FNBP1: variants seen among roughly 807,000 people sequenced by gnomAD.
The protein encoded by FNBP1 is formin-binding protein 1.
In FNBP1, 26 loss-of-function variants were observed where a neutral mutation model predicts 90.6. The observed-to-expected ratio is 0.29, with a 90% CI of 0.21 to 0.40. FNBP1 has a LOEUF of 0.40. Among genes scored for constraint, FNBP1 ranks in the 10% least tolerant of loss-of-function variants. The probability of loss-of-function intolerance (pLI) is 1.00; values close to 1 mark genes in which losing one functional copy is unlikely to be tolerated. For synonymous variants in FNBP1, 260 were observed against 265.2 expected (o/e 0.98, Z 0.19); for missense variants, 635 against 768.0 (o/e 0.83, Z 2.05).
intron 7 of FNBP1, among the ~76,000 whole-genome samples, chr9:129,927,885 A>C (rs966034540): frequency 1.3e-5 from 2 of 150,820 alleles, no homozygotes; most frequent in Non-Finnish European, 3.0e-5. Flanking sequence ...AGGCCTCCAA[A>C]GTGCTGGGAT....
intron 16 of FNBP1, among the ~76,000 whole-genome samples, chr9:129,892,411 ACAC>A (rs1564242648): frequency 0.014 from 1,805 of 132,668 alleles, 37 homozygotes; most frequent in African/African-American, 0.041. Flanking sequence ...ACACACACAC[ACAC>A]ACAAAAAGGT....
At chr9:130,032,278 C>T (rs1209560963) in intron 1 of FNBP1, among the ~76,000 whole-genome samples, 2 of 151,986 alleles carry the variant, frequency 1.3e-5, no homozygotes, top group African/African-American at 2.4e-5. Flanking sequence ...TGAAGTGATC[C>T]TCCCATCTCA....
Position 129,929,696 on chromosome 9 carries a change from C to CT in FNBP1, c.514-2dup, listed in dbSNP as rs775421778. On this transcript the variant is annotated splice_acceptor_variant, in intron 6 of 16. Transcript: ENST00000446176. LOFTEE classifies it high-confidence loss of function. ...GACGTATTTGAGCTTGTTGTCGGGCCTTAGGGCAAAAACAAGAATACTCCT... is the reference window on the plus strand; with the variant it reads ...GACGTATTTGAGCTTGTTGTCGGGCCTTTAGGGCAAAAACAAGAATACTCCT... The CT allele has an allele frequency of 2.3e-5, 37 of 1,613,620 alleles. No homozygotes were observed. In the African/African-American group the frequency reaches 3.6e-4, roughly 16 times the overall value.
At chr9:129,916,014 T>C (rs759454106) in intron 10 of FNBP1, 34 bp from the exon 11 acceptor site, 28 of 1,547,888 alleles carry the variant, frequency 1.8e-5, no homozygotes, top group Non-Finnish European at 1.8e-5. Flanking sequence ...ATGGGAAAAA[T>C]AGAGAGAAAG....
At chr9:129,939,127 G>A (rs965744649) in intron 6 of FNBP1, among the ~76,000 whole-genome samples, 9 of 152,134 alleles carry the variant, frequency 5.9e-5, no homozygotes, top group East Asian at 1.9e-4. Flanking sequence ...AGTGGCTCAC[G>A]CCTATAATCC....
At position 130,042,314 on chromosome 9, in the gene FNBP1, G is replaced by A. The variant is rs2059898826; in HGVS notation, c.24+638C>T. ...TCCCTAACTCCCACTTTCCCCTCCA[G>A]ACCAGACGTCGCAGTGCCCACATCC... is the stretch of plus-strand genomic sequence containing the variant. On this transcript the variant is annotated intron_variant, in intron 1 of 16. Transcript: ENST00000446176. The surrounding 1 kb of genome is among the most constrained non-coding windows in gnomAD (Gnocchi z 5.5). Among the ~76,000 whole-genome samples, 3 of 152,100 alleles carry A rather than the reference G, an allele frequency of 2.0e-5. No homozygotes were observed. The highest frequency in any genetic ancestry group is 1.3e-4 in the Admixed American group (2 of 15,268).
At chr9:130,000,764 A>G (rs1026906642) in intron 1 of FNBP1, among the ~76,000 whole-genome samples, 1 of 152,194 alleles carries the variant, frequency 6.6e-6, no homozygotes, top group African/African-American at 2.4e-5. Flanking sequence ...CCCTGAAGTG[A>G]CAGGCTCACT....
At chr9:129,913,288 C>T (rs1357391190) in intron 11 of FNBP1, among the ~76,000 whole-genome samples, 4 of 152,114 alleles carry the variant, frequency 2.6e-5, no homozygotes, top group Non-Finnish European at 5.9e-5. Flanking sequence ...AGCCTCTGTG[C>T]AGGTGTATAA....
intron 12 of FNBP1, among the ~76,000 whole-genome samples, chr9:129,907,510 C>T (rs891849278): frequency 6.6e-6 from 1 of 152,048 alleles, no homozygotes; most frequent in East Asian, 1.9e-4. Context: ...CGGGGTCTTG[C>T]TCTGTTGCCC....
Position 129,953,494 on chromosome 9 carries a change from AAAATAAAT to A in FNBP1, c.513+3858_513+3865del, listed in dbSNP as rs553611368. 4.3e-4 allele frequency among the ~76,000 whole-genome samples: 65 copies of A among 152,054 alleles called. 2 individuals carry two copies. The South Asian group carries it at 8.9e-3, about 21-fold the overall frequency. Reference sequence around the variant, plus strand: ...GACAGAATGAGACTACGTCTCAGAAAAAATAAATAAATAAATAAATAAATAAATATCTG... The same window carrying A: ...GACAGAATGAGACTACGTCTCAGAAAAAATAAATAAATAAATAAATATCTG... On this transcript the variant is annotated intron_variant, in intron 6 of 16. Transcript: ENST00000446176.
At chr9:129,901,566 C>T (rs939821562) in intron 13 of FNBP1, among the ~76,000 whole-genome samples, 2 of 151,840 alleles carry the variant, frequency 1.3e-5, no homozygotes, top group East Asian at 3.9e-4. Flanking sequence ...AGAAAAGGAC[C>T]GTTCTAAGTT....
At position 130,041,369 on chromosome 9, in the gene FNBP1, T is replaced by G. The variant is rs2059806408; in HGVS notation, c.24+1583A>C. Among the ~76,000 whole-genome samples the G allele has an allele frequency of 1.3e-5, 2 of 152,118 alleles. No individual in the cohort carries two copies. Among genetic ancestry groups the G allele is most frequent in the Admixed American group, 1.3e-4 (2 of 15,250 alleles). On this transcript the variant is annotated intron_variant, in intron 1 of 16. Coordinates refer to ENST00000446176, the MANE Select transcript of FNBP1 (RefSeq NM_015033.3). This position sits in a 1 kb window ranked among gnomAD's most constrained non-coding sequence, Gnocchi z 4.3. ...TCAGAAATATATTGTACATTTTCCC[T>G]CCATAATTCCATCCACCTGTCTGAA...
intron 6 of FNBP1, among the ~76,000 whole-genome samples, chr9:129,954,368 T>C (rs1028202490): frequency 3.3e-5 from 5 of 151,926 alleles, no homozygotes; most frequent in African/African-American, 1.2e-4. Context: ...GAGCAAACAC[T>C]CCAAAACTCA....
chr9:130,039,941 C>T (rs1026074962), intron 1 of FNBP1, among the ~76,000 whole-genome samples: 7 of 152,180 alleles, frequency 4.6e-5, no homozygotes, highest in Admixed American at 2.0e-4. Context: ...TAATTCATGG[C>T]CACCCAAACC....
At chr9:129,918,871 GAA>G (rs1210624544) in intron 10 of FNBP1, 2 of 155,702 alleles carry the variant, frequency 1.3e-5, no homozygotes, top group Non-Finnish European at 2.6e-5. Context: ...AATGAAAAGA[GAA>G]AAACAAAAAA....
intron 1 of FNBP1, among the ~76,000 whole-genome samples, chr9:130,011,872 A>G (rs1197148032): frequency 6.6e-6 from 1 of 152,232 alleles, no homozygotes; most frequent in Admixed American, 6.5e-5. Flanking sequence ...ATGCAGTTCA[A>G]TTAAAACCCC....
intron 1 of FNBP1, among the ~76,000 whole-genome samples, chr9:130,033,047 T>C (rs749653397): frequency 2.0e-4 from 31 of 152,188 alleles, no homozygotes; most frequent in Non-Finnish European, 3.7e-4. Flanking sequence ...TTTTCATGAA[T>C]CCTGCTTACC....
intron 4 of FNBP1, among the ~76,000 whole-genome samples, chr9:129,976,743 T>G (rs1006293388): frequency 2.5e-4 from 38 of 152,228 alleles, no homozygotes; most frequent in Non-Finnish European, 5.1e-4. Flanking sequence ...TAGCACGTTC[T>G]ACTCTTACTT....
intron 6 of FNBP1, among the ~76,000 whole-genome samples, chr9:129,956,000 AG>A (rs2046888282): frequency 1.3e-5 from 2 of 152,054 alleles, no homozygotes; most frequent in South Asian, 4.1e-4. Context: ...CTTTTGGTAA[AG>A]TAAGTATCTC....
Sources: gnomAD v4.1 joint callset for allele counts (sites outside exome capture counted in the v4.1 genomes callset) on GRCh38, gnomAD v4.1.1 for gene constraint, Gnocchi (gnomAD v3.1) non-coding constraint, MANE v1.5 for transcripts, NCBI Gene and HGNC (gene_info 2026-07-23, HGNC 2026-07-21) for gene names.